The following ABL2 variants were observed in gnomAD, a reference collection of about 807,000 sequenced individuals.
ABL2 encodes the protein tyrosine-protein kinase ABL2.
In ABL2, 49 loss-of-function variants were observed where a neutral mutation model predicts 107.7. That is an observed-to-expected ratio of 0.45 (90% CI 0.36 to 0.58). The LOEUF is 0.58. Ranked by LOEUF, ABL2 falls within the 20% of genes least tolerant of loss-of-function variation. The pLI is 0.00. For synonymous variants in ABL2, 549 were observed against 548.6 expected (o/e 1.00, Z -0.01); for missense variants, 1,245 against 1,457.0 (o/e 0.85, Z 2.37).
chr1:179,147,739 A>G (rs1658101446), intron 1 of ABL2, among the ~76,000 whole-genome samples: 1 of 152,182 alleles, frequency 6.6e-6, no homozygotes, highest in African/African-American at 2.4e-5. Context: ...ATTGGGTCCC[A>G]TGTCATGTAT....
chr1:179,207,774 A>C (rs1662059281), intron 1 of ABL2, among the ~76,000 whole-genome samples: 1 of 152,306 alleles, frequency 6.6e-6, no homozygotes, highest in Admixed American at 6.5e-5. Context: ...CCAAAATCAG[A>C]AATTTAACAG....
chr1:179,206,058 C>G (rs1452512927), intron 1 of ABL2, among the ~76,000 whole-genome samples: 1 of 151,990 alleles, frequency 6.6e-6, no homozygotes. Flanking sequence ...GAATAACATG[C>G]CCAAGGTCAC....
At chr1:179,183,828 CT>C in intron 1 of ABL2, 1 of 169,274 alleles carries the variant, frequency 5.9e-6, no homozygotes. Flanking sequence ...GGTTCTTGGA[CT>C]TTCCTAGCAG....
rs186934840 is a variant in ABL2 at position 179,114,792 on chromosome 1, C to A, written c.1561+86G>T. On this transcript the variant is annotated intron_variant, in intron 9 of 11. Transcript: ENST00000502732. Reference sequence around the variant, plus strand: ...TGAGGCTGGATTCAATCTAACAACACTGAGAGGAGAAATGTTTCTAATTTT... The same window carrying A: ...TGAGGCTGGATTCAATCTAACAACAATGAGAGGAGAAATGTTTCTAATTTT... 3 of 1,369,882 alleles carry A rather than the reference C, an allele frequency of 2.2e-6. No homozygotes were observed. The African/African-American group carries it at 4.4e-5, about 20-fold the overall frequency. The allele number at this position is 1,369,882 out of a possible 1,614,324, so 84.9% of individuals were successfully genotyped here.
chr1:179,144,948 C>T (rs1657884926), intron 1 of ABL2, among the ~76,000 whole-genome samples: 1 of 152,102 alleles, frequency 6.6e-6, no homozygotes, highest in African/African-American at 2.4e-5. Flanking sequence ...AATAAATCTT[C>T]TATTTAAATT....
At chr1:179,193,318 A>G (rs1351329685) in intron 1 of ABL2, among the ~76,000 whole-genome samples, 3 of 152,152 alleles carry the variant, frequency 2.0e-5, no homozygotes, top group Non-Finnish European at 4.4e-5. Context: ...CTAAAGGTGA[A>G]TATTATTGTC....
chr1:179,218,114 C>A (rs1322499097), intron 1 of ABL2, among the ~76,000 whole-genome samples: 1 of 152,204 alleles, frequency 6.6e-6, no homozygotes, highest in Non-Finnish European at 1.5e-5. Context: ...CCCAATTCTT[C>A]CAGGAACTGT....
intron 3 of ABL2, among the ~76,000 whole-genome samples, chr1:179,127,455 G>T (rs1179769588): frequency 2.6e-5 from 4 of 152,172 alleles, no homozygotes; most frequent in Non-Finnish European, 2.9e-5. Context: ...GTCACTCAGT[G>T]TATCTTTGCT....
At chr1:179,183,979 CA>C (rs1660538865) in intron 1 of ABL2, 1 of 266,218 alleles carries the variant, frequency 3.8e-6, no homozygotes, top group Non-Finnish European at 7.4e-6. Flanking sequence ...AGCAACTGAA[CA>C]TATTGATGAA....
chr1:179,181,508 C>T (rs1660370635), intron 1 of ABL2, among the ~76,000 whole-genome samples: 2 of 152,264 alleles, frequency 1.3e-5, no homozygotes, highest in South Asian at 4.1e-4. Context: ...CGCTGAGCTT[C>T]AGTTTTCTCA....
Position 179,107,937 on chromosome 1 carries a change from T to C in ABL2, c.3330A>G (p.Val1110=), listed in dbSNP as rs2102572401. 6.2e-7 allele frequency: 1 copy of C among 1,614,222 alleles called. No homozygotes were observed. The highest frequency in any genetic ancestry group is 8.5e-7 in the Non-Finnish European group (1 of 1,180,042). ...AGTCAAGCAGCTGGTGTCCAGTGTC[T>C]ACCAGCTGGCTGTTGGGCACAGGTT... ...LTEPVPNSQL[V]DTGHQLLDYC... The change falls in exon 12 of 12, where the codon GTA becomes GTG. Residue 1110 remains valine, a synonymous_variant. Coordinates refer to ENST00000502732, the MANE Select transcript of ABL2 (RefSeq NM_007314.4).
chr1:179,198,708 A>AC (rs1430527731), intron 1 of ABL2, among the ~76,000 whole-genome samples: 1 of 150,902 alleles, frequency 6.6e-6, no homozygotes, highest in East Asian at 1.9e-4. Flanking sequence ...AAAAAAAAAA[A>AC]AAAAAAAACA....
chr1:179,104,183 ATCATC>A lies in ABL2; in HGVS notation c.*3530_*3534del. 4.3e-6 allele frequency: 1 copy of A among 231,514 alleles called. No homozygotes were observed. 14.3% of individuals were successfully genotyped at this position (231,514 alleles called of 1,614,324 possible). On this transcript the variant is annotated 3_prime_UTR_variant, in exon 12 of 12. Transcript: ENST00000502732. ...CACTTGAGCTAAGTATCTTACAAAT[ATCATC>A]TCATTTAATCCTTACAACAACCCTG... is the stretch of plus-strand genomic sequence containing the variant.
At chr1:179,180,890 G>A (rs974909169) in intron 1 of ABL2, among the ~76,000 whole-genome samples, 4 of 152,066 alleles carry the variant, frequency 2.6e-5, no homozygotes, top group Non-Finnish European at 2.9e-5. Context: ...TTCCAAGTCC[G>A]CCCCCTACCA....
Position 179,229,274 on chromosome 1 carries a change from T to C in ABL2, c.124A>G (p.Thr42Ala). 6.4e-7 allele frequency: 1 copy of C among 1,564,226 alleles called. No individual in the cohort carries two copies. The highest frequency in any genetic ancestry group is 8.6e-7 in the Non-Finnish European group (1 of 1,156,406). ...GRRRDPAGRT[T>A]ETGFNIFTQH... ...GTGAAGATATTGAAGCCGGTCTCTGTGGTGCGCCCCGCCGGGTCCCGCCTG... is the reference window on the plus strand; with the variant it reads ...GTGAAGATATTGAAGCCGGTCTCTGCGGTGCGCCCCGCCGGGTCCCGCCTG... Residue 42 changes from threonine (T) to alanine (A), a missense_variant, in exon 1 of 12, where the codon ACA (threonine) becomes GCA (alanine). Around this residue, in one of 3 missense-constraint regions of ABL2, gnomAD observed 164 missense variants for 143.7 expected, o/e 1.14. Coordinates refer to ENST00000502732, the MANE Select transcript of ABL2 (RefSeq NM_007314.4).
chr1:179,168,637 C>T (rs1659532946), intron 1 of ABL2, among the ~76,000 whole-genome samples: 1 of 152,156 alleles, frequency 6.6e-6, no homozygotes, highest in Non-Finnish European at 1.5e-5. Context: ...TTTTTGTGTA[C>T]AGTTCTATGA....
chr1:179,141,805 C>A (rs1237219507), intron 1 of ABL2, among the ~76,000 whole-genome samples: 3 of 152,108 alleles, frequency 2.0e-5, no homozygotes, highest in Non-Finnish European at 2.9e-5. Context: ...CCCATTAGCA[C>A]CAAACAAAAG....
At chr1:179,184,960 C>T (rs1242231945) in intron 1 of ABL2, among the ~76,000 whole-genome samples, 1 of 152,142 alleles carries the variant, frequency 6.6e-6, no homozygotes. Context: ...CACCACCTAG[C>T]TCTGTCGGAA....
intron 3 of ABL2, among the ~76,000 whole-genome samples, chr1:179,128,996 A>T (rs182457887): frequency 0.013 from 1,941 of 148,334 alleles, 33 homozygotes; most frequent in African/African-American, 0.043. Flanking sequence ...GTAGAACTTT[A>T]AAAAAAAAAA....
Sources: gnomAD v4.1 joint callset for allele counts (sites outside exome capture counted in the v4.1 genomes callset) on GRCh38, gnomAD v4.1.1 for gene constraint, gnomAD v4.1.1 regional missense constraint, MANE v1.5 for transcripts, NCBI Gene and HGNC (gene_info 2026-07-23, HGNC 2026-07-21) for gene names.